Variants in GALNTL6 observed in about 807,000 individuals in gnomAD.
GALNTL6 encodes polypeptide N-acetylgalactosaminyltransferase-like 6.
Under a neutral mutation model 73.7 loss-of-function variants are expected in GALNTL6, and 46 were observed. That is an observed-to-expected ratio of 0.62 (90% CI 0.49 to 0.80). GALNTL6 has a LOEUF of 0.80. Among genes scored for constraint, GALNTL6 ranks in the 30% least tolerant of loss-of-function variants. The probability of loss-of-function intolerance (pLI) is 0.00; values close to 1 mark genes in which losing one functional copy is unlikely to be tolerated. For missense variants in GALNTL6, 604 were observed against 755.0 expected (o/e 0.80, Z 2.34); for synonymous variants, 259 against 263.7 (o/e 0.98, Z 0.17).
At chr4:172,262,506 T>C (rs1738291977) in intron 3 of GALNTL6, among the ~76,000 whole-genome samples, 1 of 151,638 alleles carries the variant, frequency 6.6e-6, no homozygotes, top group South Asian at 2.1e-4. Flanking sequence ...CTTAAATTTA[T>C]GTGAGTCCTG....
At chr4:171,870,119 G>A (rs1002764010) in intron 2 of GALNTL6, among the ~76,000 whole-genome samples, 2 of 152,060 alleles carry the variant, frequency 1.3e-5, no homozygotes, top group East Asian at 1.9e-4. Context: ...GGACGTATTC[G>A]CTTCTTCTTC....
At chr4:172,378,385 G>T (rs1030100988) in intron 5 of GALNTL6, among the ~76,000 whole-genome samples, 1 of 152,128 alleles carries the variant, frequency 6.6e-6, no homozygotes, top group African/African-American at 2.4e-5. Context: ...CATCAGAAAG[G>T]TTGCTGGGAA....
chr4:172,311,594 A>G lies in GALNTL6; in HGVS notation c.248-20A>G. On this transcript the variant is annotated intron_variant, in intron 3 of 12. Transcript: ENST00000506823. ...TGGCTTTTATAGAGATGATAATCTC[A>G]TTTTGTTTTCTCCTGCTAGGGAAAG... 5 of 1,586,956 alleles carry G rather than the reference A, an allele frequency of 3.2e-6. No individual in the cohort carries two copies. Among genetic ancestry groups the G allele is most frequent in the South Asian group, 1.1e-5 (1 of 87,262 alleles).
At chr4:172,408,454 A>G (rs1744312835) in intron 5 of GALNTL6, among the ~76,000 whole-genome samples, 1 of 152,042 alleles carries the variant, frequency 6.6e-6, no homozygotes, top group Non-Finnish European at 1.5e-5. Flanking sequence ...AAAAATATAT[A>G]TCTGTGTGTG....
chr4:172,182,415 C>T (rs1735276558), intron 2 of GALNTL6, among the ~76,000 whole-genome samples: 1 of 151,958 alleles, frequency 6.6e-6, no homozygotes, highest in African/African-American at 2.4e-5. Context: ...ACTTAAGCCA[C>T]ATGGGAATCT....
At chr4:171,949,433 C>A (rs1419852939) in intron 2 of GALNTL6, among the ~76,000 whole-genome samples, 5 of 152,100 alleles carry the variant, frequency 3.3e-5, no homozygotes, top group Non-Finnish European at 5.9e-5. Flanking sequence ...TAAGCAACAA[C>A]AATTCAGGCC....
intron 3 of GALNTL6, among the ~76,000 whole-genome samples, chr4:172,257,879 T>C (rs767823342): frequency 2.0e-5 from 3 of 151,288 alleles, no homozygotes; most frequent in Non-Finnish European, 4.4e-5. Context: ...GATTTCCTAA[T>C]AAGATCATGC....
intron 2 of GALNTL6, among the ~76,000 whole-genome samples, chr4:172,227,654 A>G (rs192334028): frequency 7.9e-5 from 12 of 152,326 alleles, no homozygotes; most frequent in Admixed American, 3.3e-4. Flanking sequence ...GTTCCCAGCT[A>G]TTTACAAAAA....
chr4:172,351,181 GTCTA>G (rs56948823), intron 5 of GALNTL6, among the ~76,000 whole-genome samples: 4,360 of 122,460 alleles, frequency 0.036, 209 homozygotes, highest in African/African-American at 0.12. Flanking sequence ...ACAATAATCT[GTCTA>G]TCTATCTATC....
intron 5 of GALNTL6, among the ~76,000 whole-genome samples, chr4:172,601,773 A>T (rs1471435115): frequency 1.3e-5 from 2 of 152,164 alleles, no homozygotes; most frequent in African/African-American, 4.8e-5. Flanking sequence ...ATACGCTTAT[A>T]GAGTCCCAGA....
chr4:172,147,007 A>G (rs769009868), intron 2 of GALNTL6, among the ~76,000 whole-genome samples: 1 of 152,216 alleles, frequency 6.6e-6, no homozygotes, highest in Non-Finnish European at 1.5e-5. Context: ...GTAGACTGTC[A>G]AAACACAGTT....
rs145990218 is a variant in GALNTL6 at position 172,591,654 on chromosome 4, A to G, written c.554-217707A>G. On this transcript the variant is annotated intron_variant, in intron 5 of 12. Coordinates refer to ENST00000506823, the MANE Select transcript of GALNTL6 (RefSeq NM_001034845.3). ...TCCTAAACAGGCTTTCCTGATTGGT[A>G]GAAAACTCACTTTCCCCTGGCAAAT... 1.4e-4 allele frequency among the ~76,000 whole-genome samples: 22 copies of G among 152,308 alleles called. No individual in the cohort carries two copies. In the East Asian group the frequency reaches 2.9e-3, roughly 20 times the overall value.
At chr4:171,971,303 G>A (rs1739562297) in intron 2 of GALNTL6, among the ~76,000 whole-genome samples, 1 of 152,142 alleles carries the variant, frequency 6.6e-6, no homozygotes, top group African/African-American at 2.4e-5. Flanking sequence ...GCCTCTTTGA[G>A]GTAAGTGTTC....
At chr4:172,656,804 A>C (rs1484973149) in intron 5 of GALNTL6, among the ~76,000 whole-genome samples, 1 of 152,234 alleles carries the variant, frequency 6.6e-6, no homozygotes, top group African/African-American at 2.4e-5. Flanking sequence ...TCTTTTGAAA[A>C]CTAGAGCAGA....
intron 5 of GALNTL6, among the ~76,000 whole-genome samples, chr4:172,365,317 T>C (rs1578997847): frequency 6.6e-6 from 1 of 151,844 alleles, no homozygotes; most frequent in Admixed American, 6.6e-5. Context: ...ATGTCTCTGG[T>C]TGGGGAAGGG....
At chr4:172,093,569 G>C (rs1415341632) in intron 2 of GALNTL6, among the ~76,000 whole-genome samples, 1 of 152,096 alleles carries the variant, frequency 6.6e-6, no homozygotes, top group Non-Finnish European at 1.5e-5. Flanking sequence ...CAGAGCAGGA[G>C]GTGAGTAGCC....
chr4:172,236,743 TAGGTATACATTTGC>T (rs887481847), intron 3 of GALNTL6, among the ~76,000 whole-genome samples: 2 of 117,470 alleles, frequency 1.7e-5, no homozygotes, highest in African/African-American at 6.5e-5. Context: ...CTTTTAATTT[TAGGTATACATTTGC>T]AGGTTGATTC....
intron 5 of GALNTL6, among the ~76,000 whole-genome samples, chr4:172,481,407 T>C (rs943464797): frequency 1.2e-4 from 16 of 128,812 alleles, no homozygotes; most frequent in African/African-American, 4.2e-4. Flanking sequence ...GCTTCCACAG[T>C]GTGGAAGGGG....
At chr4:171,821,951 G>C (rs137944784) in intron 2 of GALNTL6, among the ~76,000 whole-genome samples, 1 of 151,884 alleles carries the variant, frequency 6.6e-6, no homozygotes, top group Admixed American at 6.6e-5. Flanking sequence ...ACTAAAATTA[G>C]TTCTTGATGT....
Sources: allele counts gnomAD v4.1 joint callset (sites outside exome capture counted in the v4.1 genomes callset), GRCh38; gene constraint gnomAD v4.1.1; transcripts MANE v1.5; gene names NCBI Gene and HGNC (gene_info 2026-07-23, HGNC 2026-07-21).